AK5: variants seen among roughly 807,000 people sequenced by gnomAD.
AK5 encodes the protein adenylate kinase 5.
A neutral mutation model predicts 69.5 loss-of-function variants in AK5; 27 were observed. The ratio of observed to expected loss-of-function variants is 0.39; its 90% CI spans 0.29 to 0.54. AK5 has a LOEUF of 0.54. Among genes scored for constraint, AK5 ranks in the 20% least tolerant of loss-of-function variants. AK5 has a pLI of 0.71. For synonymous variants in AK5, 260 were observed against 244.4 expected (o/e 1.06, Z -0.60); for missense variants, 531 against 700.4 (o/e 0.76, Z 2.73).
At chr1:77,283,066 G>T (rs930593220) in intron 1 of AK5, 5 of 985,524 alleles carry the variant, frequency 5.1e-6, no homozygotes, top group African/African-American at 1.7e-5. Context: ...GAGCTGCGAG[G>T]GGGGCGGACT....
At chr1:77,329,836 T>A (rs1317549624) in intron 5 of AK5, among the ~76,000 whole-genome samples, 4 of 152,178 alleles carry the variant, frequency 2.6e-5, no homozygotes, top group African/African-American at 7.2e-5. Flanking sequence ...AAAATGTTGA[T>A]TCAGGCAATG....
At chr1:77,536,980 C>T (rs891664755) in intron 13 of AK5, among the ~76,000 whole-genome samples, 3 of 152,192 alleles carry the variant, frequency 2.0e-5, no homozygotes, top group Non-Finnish European at 2.9e-5. Context: ...TCCTTCCACT[C>T]ATCCCATAAC....
chr1:77,478,770 T>C (rs574074093), intron 8 of AK5, among the ~76,000 whole-genome samples: 2 of 152,284 alleles, frequency 1.3e-5, no homozygotes, highest in South Asian at 4.1e-4. Flanking sequence ...ATCTCCCTCA[T>C]TTAAAATTCA....
At chr1:77,367,554 T>TATATATATATATATATATATATATA (rs59508312) in intron 6 of AK5, among the ~76,000 whole-genome samples, 2 of 28,606 alleles carry the variant, frequency 7.0e-5, no homozygotes, top group Non-Finnish European at 1.4e-4. Context: ...ATTTATGTTA[T>TATATATATATATATATATATATATA]TTTTATATAT....
At chr1:77,463,953 G>A (rs1653993649) in intron 8 of AK5, among the ~76,000 whole-genome samples, 1 of 152,190 alleles carries the variant, frequency 6.6e-6, no homozygotes, top group Admixed American at 6.5e-5. Context: ...CCAGTATATT[G>A]AGAATTATAA....
intron 5 of AK5, among the ~76,000 whole-genome samples, chr1:77,326,470 G>T (rs1269410647): frequency 6.6e-6 from 1 of 151,418 alleles, no homozygotes; most frequent in East Asian, 1.9e-4. Context: ...GTACTTTCAT[G>T]TAAGTTTCAA....
At chr1:77,285,999 T>A (rs1326668170) in intron 1 of AK5, among the ~76,000 whole-genome samples, 1 of 152,154 alleles carries the variant, frequency 6.6e-6, no homozygotes, top group Non-Finnish European at 1.5e-5. Flanking sequence ...CATAACCGAA[T>A]GGTTTCAGTA....
At chr1:77,318,186 A>G (rs1660340756) in intron 5 of AK5, among the ~76,000 whole-genome samples, 1 of 152,190 alleles carries the variant, frequency 6.6e-6, no homozygotes, top group African/African-American at 2.4e-5. Context: ...GCATGGCAGC[A>G]TCTGCTTGGT....
chr1:77,514,679 G>A (rs186517729), intron 10 of AK5, among the ~76,000 whole-genome samples: 8 of 152,292 alleles, frequency 5.3e-5, no homozygotes, highest in East Asian at 1.9e-4. Context: ...CTGGGGCAGC[G>A]GCTGCTGTTC....
intron 6 of AK5, among the ~76,000 whole-genome samples, chr1:77,348,873 C>T (rs1485792843): frequency 6.6e-6 from 1 of 152,014 alleles, no homozygotes; most frequent in African/African-American, 2.4e-5. Flanking sequence ...AGAGTTAGGT[C>T]TTCATTTGAA....
At chr1:77,514,201 T>C (rs541954443) in intron 10 of AK5, among the ~76,000 whole-genome samples, 204 of 152,328 alleles carry the variant, frequency 1.3e-3, no homozygotes, top group African/African-American at 4.8e-3. Flanking sequence ...ACAATCTCTT[T>C]GTGAATCATA....
chr1:77,532,971 C>T (rs183483761), intron 12 of AK5, among the ~76,000 whole-genome samples: 25 of 152,170 alleles, frequency 1.6e-4, no homozygotes, highest in Admixed American at 3.9e-4. Context: ...TGATACATAG[C>T]GAAGCATTTT....
chr1:77,383,937 T>G (rs1263446344), intron 6 of AK5, among the ~76,000 whole-genome samples: 1 of 145,094 alleles, frequency 6.9e-6, no homozygotes, highest in Non-Finnish European at 1.5e-5. Flanking sequence ...CCTTCACTAT[T>G]GAGCAAATAG....
intron 1 of AK5, chr1:77,283,116 G>A: frequency 1.0e-6 from 1 of 985,922 alleles, no homozygotes; most frequent in Non-Finnish European, 1.2e-6. Flanking sequence ...AGCATCATCT[G>A]CACCGGGACC....
intron 6 of AK5, among the ~76,000 whole-genome samples, chr1:77,399,548 G>T (rs1649057903): frequency 6.6e-6 from 1 of 152,118 alleles, no homozygotes; most frequent in African/African-American, 2.4e-5. Context: ...TGTGAGGGAG[G>T]GGCAGCTAAG....
chr1:77,446,721 T>G (rs1652779597), intron 8 of AK5, among the ~76,000 whole-genome samples: 2 of 152,238 alleles, frequency 1.3e-5, no homozygotes, highest in African/African-American at 4.8e-5. Context: ...GTTGTTGTTG[T>G]TATTGTTCAG....
At chr1:77,525,241 G>T (rs1213274158) in intron 12 of AK5, among the ~76,000 whole-genome samples, 1 of 152,110 alleles carries the variant, frequency 6.6e-6, no homozygotes, top group Non-Finnish European at 1.5e-5. Context: ...TTTATATATG[G>T]TGTCAGATTA....
chr1:77,346,453 AC>A (rs1446985917), intron 6 of AK5, among the ~76,000 whole-genome samples: 1 of 152,172 alleles, frequency 6.6e-6, no homozygotes, highest in Non-Finnish European at 1.5e-5. Context: ...ACTTAGCATC[AC>A]TGCACATATG....
rs932585942 is a variant in AK5 at position 77,402,620 on chromosome 1, C to T, written c.892-8361C>T. ...TTCATCCATGTCCCTACAAAGGACACGAACTCATCATTTTTTATGGCTGCA... is the reference window on the plus strand; with the variant it reads ...TTCATCCATGTCCCTACAAAGGACATGAACTCATCATTTTTTATGGCTGCA... On this transcript the variant is annotated intron_variant, in intron 6 of 13. Transcript: ENST00000354567. Among the ~76,000 whole-genome samples the T allele has an allele frequency of 5.3e-5, 8 of 151,628 alleles. No homozygotes were observed. In the East Asian group the frequency reaches 5.8e-4, roughly 11 times the overall value.
Sources: allele counts gnomAD v4.1 joint callset (sites outside exome capture counted in the v4.1 genomes callset), GRCh38; gene constraint gnomAD v4.1.1; transcripts MANE v1.5; gene names NCBI Gene and HGNC (gene_info 2026-07-23, HGNC 2026-07-21).